Variants in SFI1 observed in about 807,000 individuals in gnomAD.
The protein encoded by SFI1 is protein SFI1 homolog.
SFI1 carries 195 observed loss-of-function variants against 207.5 expected under a neutral mutation model. That is an observed-to-expected ratio of 0.94 (90% confidence interval 0.84 to 1.06). The LOEUF is 1.06. Among genes scored for constraint, SFI1 ranks in the 50% least tolerant of loss-of-function variants. The pLI is 0.00. For missense variants in SFI1, 1,634 were observed against 1,588.0 expected (o/e 1.03, Z -0.49); for synonymous variants, 630 against 598.9 (o/e 1.05, Z -0.76).
intron 4 of SFI1, among the ~76,000 whole-genome samples, chr22:31,533,180 C>T (rs2147459384): frequency 6.6e-6 from 1 of 152,208 alleles, no homozygotes; most frequent in East Asian, 1.9e-4. Flanking sequence ...CTGAAGTGAC[C>T]ATTGCCATGG....
intron 9 of SFI1, among the ~76,000 whole-genome samples, chr22:31,574,664 T>A (rs1471741443): frequency 1.3e-5 from 2 of 152,154 alleles, no homozygotes; most frequent in Non-Finnish European, 2.9e-5. Context: ...TGTAACTGAT[T>A]TTATAGCATC....
chr22:31,525,716 TCA>T, intron 2 of SFI1, among the ~76,000 whole-genome samples: 1 of 131,286 alleles, frequency 7.6e-6, no homozygotes, highest in Admixed American at 8.7e-5. Flanking sequence ...ACTCTGTCAT[TCA>T]TAGATAGATA....
At chr22:31,498,923 T>C (rs2053242694) in intron 1 of SFI1, among the ~76,000 whole-genome samples, 1 of 146,038 alleles carries the variant, frequency 6.8e-6, no homozygotes, top group African/African-American at 2.5e-5. Context: ...CATGGCACAC[T>C]CTTGACCTCC....
chr22:31,594,272 G>T (rs2066703835), intron 15 of SFI1, among the ~76,000 whole-genome samples: 1 of 152,166 alleles, frequency 6.6e-6, no homozygotes, highest in African/African-American at 2.4e-5. Flanking sequence ...AGGTCGGGCC[G>T]GGTGCAGTGG....
rs749787029 is a variant in SFI1 at position 31,568,194 on chromosome 22, T to TGTG, written c.766-4864_766-4863insGTG. Among the ~76,000 whole-genome samples, 469 of 92,496 alleles carry TGTG rather than the reference T, an allele frequency of 5.1e-3. 5 individuals carry two copies. Among genetic ancestry groups the TGTG allele is most frequent in the African/African-American group, 0.022 (422 of 19,018 alleles). 60.7% of individuals were successfully genotyped at this position (92,496 alleles called of 152,430 possible). On this transcript the variant is annotated intron_variant, in intron 8 of 32. Transcript: ENST00000400288. Reference sequence around the variant, plus strand: ...GTGTGTGTGTGTGTGTGTGTGTGTGTTGTGTGTGTGTGTGTGTATATATAT... The same window carrying TGTG: ...GTGTGTGTGTGTGTGTGTGTGTGTGTGTGTGTGTGTGTGTGTGTGTATATATAT...
chr22:31,593,675 G>T (rs1407268577), intron 15 of SFI1, among the ~76,000 whole-genome samples: 2 of 139,922 alleles, frequency 1.4e-5, no homozygotes, highest in Non-Finnish European at 3.1e-5. Context: ...AGTGAGCCGA[G>T]ATCACGCCAC....
rs1457914140 is a variant in SFI1, at chr22:31,618,098, G to T, written c.3513-17G>T. 6 of 1,556,896 alleles carry T rather than the reference G, an allele frequency of 3.9e-6. No individual in the cohort carries two copies. Among genetic ancestry groups the T allele is most frequent in the Admixed American group, 2.0e-5 (1 of 50,830 alleles). ...AAGGACCCAGCCTGGCAGGCAGTGG[G>T]TATCTCCACCCCTCAGGTCCTGTCG... On this transcript the variant is annotated splice_polypyrimidine_tract_variant and intron_variant, in intron 31 of 32. Transcript: ENST00000400288.
At chr22:31,530,358 C>T (rs576654114) in intron 3 of SFI1, among the ~76,000 whole-genome samples, 28 of 146,570 alleles carry the variant, frequency 1.9e-4, no homozygotes, top group Non-Finnish European at 6.0e-5. Flanking sequence ...GGTGCAGTGG[C>T]GGGTGCCTGT....
In SFI1 at chr22:31,605,976, G is replaced by A. The variant is rs537482660; in HGVS notation, c.2055-352G>A. The A allele has an allele frequency of 7.2e-5, 18 of 249,878 alleles. No homozygotes were observed. In the South Asian group the frequency reaches 9.0e-4, roughly 12 times the overall value. 15.5% of individuals were successfully genotyped at this position (249,878 alleles called of 1,614,324 possible). On this transcript the variant is annotated intron_variant, in intron 20 of 32. Transcript: ENST00000400288. ...AGCTAACTCAGCAGCAAGCTGAGGC[G>A]TAGGCAACCTTCCTCCAGGTTCCCT...
intron 29 of SFI1, chr22:31,616,452 T>TAAGGC: frequency 2.8e-6 from 1 of 355,942 alleles, no homozygotes; most frequent in Non-Finnish European, 5.1e-6. Context: ...GAGGGTTGGG[T>TAAGGC]AAGGCAAGGC....
At chr22:31,503,244 C>CT (rs1461860584) in intron 1 of SFI1, among the ~76,000 whole-genome samples, 2 of 151,970 alleles carry the variant, frequency 1.3e-5, no homozygotes, top group Non-Finnish European at 2.9e-5. Flanking sequence ...TCTGAGAAGA[C>CT]TTTTCCAGTC....
chr22:31,592,927 G>GC (rs1436259629), intron 15 of SFI1, among the ~76,000 whole-genome samples: 1 of 119,454 alleles, frequency 8.4e-6, no homozygotes, highest in Non-Finnish European at 1.8e-5. Flanking sequence ...TCCCAGTAGG[G>GC]GCGGCCGGGC....
intron 4 of SFI1, among the ~76,000 whole-genome samples, chr22:31,543,226 T>C (rs926667077): frequency 6.6e-6 from 1 of 152,150 alleles, no homozygotes; most frequent in Non-Finnish European, 1.5e-5. Flanking sequence ...CGCCTTGGCC[T>C]CCCAAAGTGC....
chr22:31,608,241 G>A (rs1467982279), intron 22 of SFI1, among the ~76,000 whole-genome samples: 1 of 152,170 alleles, frequency 6.6e-6, no homozygotes, highest in Non-Finnish European at 1.5e-5. Flanking sequence ...ATCAAGGTGT[G>A]GCAGGGCCAT....
At chr22:31,514,140 CAA>C (rs113946302) in intron 2 of SFI1, among the ~76,000 whole-genome samples, 14 of 82,708 alleles carry the variant, frequency 1.7e-4, no homozygotes, top group African/African-American at 4.0e-4. Flanking sequence ...AACTCCATCT[CAA>C]AAAAAAAAAA....
At chr22:31,510,000 A>G (rs1601887259) in intron 2 of SFI1, among the ~76,000 whole-genome samples, 1 of 151,938 alleles carries the variant, frequency 6.6e-6, no homozygotes, top group African/African-American at 2.4e-5. Context: ...GGCTCACTGC[A>G]ATCTCTGCCT....
At chr22:31,519,483 C>A (rs968603023) in intron 2 of SFI1, among the ~76,000 whole-genome samples, 2 of 151,574 alleles carry the variant, frequency 1.3e-5, no homozygotes, top group African/African-American at 4.9e-5. Context: ...CCCGCCCAGG[C>A]TGGAGTGCAG....
intron 1 of SFI1, among the ~76,000 whole-genome samples, chr22:31,502,328 G>A (rs1463160150): frequency 2.0e-5 from 3 of 151,732 alleles, no homozygotes; most frequent in Admixed American, 6.6e-5. Context: ...ATTAAGTGAG[G>A]ACTTACTGTA....
intron 4 of SFI1, among the ~76,000 whole-genome samples, chr22:31,542,859 G>A (rs1241733050): frequency 6.6e-6 from 1 of 151,280 alleles, no homozygotes; most frequent in Non-Finnish European, 1.5e-5. Context: ...ATGGGGTTTC[G>A]CCACGTTGGC....
Sources: gnomAD v4.1 joint callset for allele counts (sites outside exome capture counted in the v4.1 genomes callset) on GRCh38, gnomAD v4.1.1 for gene constraint, MANE v1.5 for transcripts, NCBI Gene and HGNC (gene_info 2026-07-23, HGNC 2026-07-21) for gene names.